The following CHD8 variants were observed in gnomAD, a reference collection of about 807,000 sequenced individuals.
The protein encoded by CHD8 is ATP-dependent chromatin remodeler CHD8.
A neutral mutation model predicts 279.2 loss-of-function variants in CHD8; 31 were observed. The observed-to-expected ratio is 0.11, with a 90% confidence interval of 0.08 to 0.15. CHD8 has a LOEUF of 0.15. Among genes scored for constraint, CHD8 ranks in the 10% least tolerant of loss-of-function variants. The pLI, the probability that CHD8 is intolerant of heterozygous loss-of-function variation, is 1.00. For missense variants in CHD8, 2,146 were observed against 3,230.5 expected (o/e 0.66, Z 8.14); for synonymous variants, 1,081 against 1,139.6 (o/e 0.95, Z 1.04).
rs1001443242 is a variant in CHD8, at chr14:21,403,935, C to T, written c.3308-272G>A. Reference sequence around the variant, plus strand: ...CCAACATGGTGAAACCCCGTCTCTACTAACAATACAAAAATTAGCCAGGTG... The same window carrying T: ...CCAACATGGTGAAACCCCGTCTCTATTAACAATACAAAAATTAGCCAGGTG... On this transcript the variant is annotated intron_variant, in intron 16 of 37. Transcript: ENST00000646647. The surrounding 1 kb of genome is among the most constrained non-coding windows in gnomAD (Gnocchi z 4.3). Among the ~76,000 whole-genome samples the T allele has an allele frequency of 6.6e-6, 1 of 152,036 alleles. No homozygotes were observed. The highest frequency in any genetic ancestry group is 2.4e-5 in the African/African-American group (1 of 41,392).
chr14:21,432,596 A>G (rs1031457237), intron 1 of CHD8, among the ~76,000 whole-genome samples: 3 of 152,176 alleles, frequency 2.0e-5, no homozygotes, highest in Non-Finnish European at 4.4e-5. Context: ...AGACTACACA[A>G]TTCCCTTAAT....
chr14:21,405,677 C>G lies in CHD8; in HGVS notation c.3051+44G>C. 1 of 1,604,098 alleles carries G rather than the reference C, an allele frequency of 6.2e-7. No individual in the cohort carries two copies. The highest frequency in any genetic ancestry group is 1.7e-5 in the Admixed American group (1 of 58,668). ...AGATGTCTGCCTTGTACAAACTTCA[C>G]CTTCTTTGTCCTGAGTTAGTACCTC... On this transcript the variant is annotated intron_variant, in intron 15 of 37. Coordinates refer to ENST00000646647, the MANE Select transcript of CHD8 (RefSeq NM_001170629.2). This position sits in a 1 kb window ranked among gnomAD's most constrained non-coding sequence, Gnocchi z 4.2.
rs770603256 is a variant in CHD8, at chr14:21,400,388, CAT to C, written c.4570+23_4570+24del. 27 of 1,597,622 alleles carry C rather than the reference CAT, an allele frequency of 1.7e-5. No individual in the cohort carries two copies. Among genetic ancestry groups the C allele is most frequent in the Non-Finnish European group, 2.3e-5 (27 of 1,174,866 alleles). On this transcript the variant is annotated intron_variant, in intron 23 of 37. Transcript: ENST00000646647. This position sits in a 1 kb window ranked among gnomAD's most constrained non-coding sequence, Gnocchi z 4.2. ...AGGATTAGATTAACCTATAGAAAAACATAAAGTAAAGAGTTGATAATTACCTG... is the reference window on the plus strand; with the variant it reads ...AGGATTAGATTAACCTATAGAAAAACAAAGTAAAGAGTTGATAATTACCTG...
At chr14:21,404,275 T>G (rs1275693492) in intron 16 of CHD8, among the ~76,000 whole-genome samples, 1 of 151,242 alleles carries the variant, frequency 6.6e-6, no homozygotes, top group Non-Finnish European at 1.5e-5. Flanking sequence ...AGCAGGCGCC[T>G]GTAATCCCAG....
intron 5 of CHD8, among the ~76,000 whole-genome samples, chr14:21,422,617 G>C (rs1404191451): frequency 6.6e-6 from 1 of 152,116 alleles, no homozygotes; most frequent in Non-Finnish European, 1.5e-5. Context: ...CCGGGACTGG[G>C]TAATTTATTT....
intron 20 of CHD8, 74 bp downstream of exon 20, chr14:21,401,883 G>T: frequency 1.4e-6 from 2 of 1,384,060 alleles, no homozygotes; most frequent in Non-Finnish European, 1.0e-6. Flanking sequence ...ACCATCCCCA[G>T]CATAAAAACA....
chr14:21,417,866 AT>A (rs1460884666), intron 5 of CHD8, among the ~76,000 whole-genome samples: 3,749 of 120,048 alleles, frequency 0.031, 109 homozygotes, highest in African/African-American at 0.096. Context: ...AAAAAAAAAA[AT>A]ATATATATAT....
rs1270063965 is a variant in CHD8 at position 21,401,485 on chromosome 14, G to C, written c.4091C>G (p.Thr1364Arg). 1 of 1,594,752 alleles carries C rather than the reference G, an allele frequency of 6.3e-7. No individual in the cohort carries two copies. Among genetic ancestry groups the C allele is most frequent in the South Asian group, 1.1e-5 (1 of 87,734 alleles). ...KASFVASENR[T>R]DISLDDPNFW... ...GTTGGGGTCATCCAAAGAAATATCT[G>C]TCCTGTTTTCAGAAGCAACAAAGCT... The change falls in exon 21 of 38, where the codon ACA becomes AGA. Residue 1364 changes from threonine to arginine, a missense_variant. Physicochemically the swap from Thr to Arg is moderately conservative, Grantham distance 71. Around this residue, in one of 26 missense-constraint regions of CHD8, gnomAD observed 14 missense variants for 40.7 expected, o/e 0.34. Transcript: ENST00000646647.
chr14:21,403,826 C>T lies in CHD8; in HGVS notation c.3308-163G>A, dbSNP rs116235357. Among the ~76,000 whole-genome samples, 65 of 152,300 alleles carry T rather than the reference C, an allele frequency of 4.3e-4. 1 individual carries two copies. The highest frequency in any genetic ancestry group is 1.4e-3 in the East Asian group (7 of 5,184). ...AAAAAAGTCTTAAATCGGCTGGGTA[C>T]GGTGGCTCATGCCTGTAATCCCAAC... is the stretch of plus-strand genomic sequence containing the variant. On this transcript the variant is annotated intron_variant, in intron 16 of 37. Coordinates refer to ENST00000646647, the MANE Select transcript of CHD8 (RefSeq NM_001170629.2). This position sits in a 1 kb window ranked among gnomAD's most constrained non-coding sequence, Gnocchi z 4.3.
At position 21,405,898 on chromosome 14, in the gene CHD8, A is replaced by G; in HGVS notation, c.2908-34T>C. The G allele has an allele frequency of 1.3e-6, 2 of 1,584,828 alleles. No homozygotes were observed. The highest frequency in any genetic ancestry group is 1.7e-6 in the Non-Finnish European group (2 of 1,165,114). On this transcript the variant is annotated intron_variant, in intron 14 of 37. Transcript: ENST00000646647. The surrounding 1 kb of genome is among the most constrained non-coding windows in gnomAD (Gnocchi z 4.2). ...GGAGGAAACAAAAGAATAAAATTTA[A>G]AAACATGAAGGACTTCTGGGGTTTC...
Position 21,394,083 on chromosome 14 carries a change from G to A in CHD8, c.5712C>T (p.Pro1904=). The A allele has an allele frequency of 1.2e-6, 2 of 1,613,910 alleles. No individual in the cohort carries two copies. Among genetic ancestry groups the A allele is most frequent in the African/African-American group, 1.3e-5 (1 of 75,032 alleles). Reference sequence around the variant, plus strand: ...ACAATGCCAGCCGATCTTCCAAAAGGGGGTGGCATAAAACTTGTTCCCGTA... The same window carrying A: ...ACAATGCCAGCCGATCTTCCAAAAGAGGGTGGCATAAAACTTGTTCCCGTA... ...RRLREQVLCH[P]LLEDRLALCQ... Residue 1904 remains proline, a synonymous_variant, in exon 32 of 38, where the codon CCC becomes CCT. Coordinates refer to ENST00000646647, the MANE Select transcript of CHD8 (RefSeq NM_001170629.2).
rs1195598239 is a variant in CHD8, at chr14:21,385,447, C to A, written c.*166G>T. 8.7e-7 allele frequency: 1 copy of A among 1,153,600 alleles called. No homozygotes were observed. The allele number at this position is 1,153,600 out of a possible 1,614,324, so 71.5% of individuals were successfully genotyped here. ...AGTTCCCCTGCCCACCCAATCCTCT[C>A]ATAATTGGGAGCAATCAGGTACATT... On this transcript the variant is annotated 3_prime_UTR_variant, in exon 38 of 38. Transcript: ENST00000646647.
Position 21,402,434 on chromosome 14 carries a change from A to C in CHD8, c.3784T>G (p.Ser1262Ala). The C allele has an allele frequency of 6.2e-7, 1 of 1,613,982 alleles. No homozygotes were observed. Among genetic ancestry groups the C allele is most frequent in the South Asian group, 1.1e-5 (1 of 91,074 alleles). ...TTATCAAACATCTCTCTCTCGTAGG[A>C]ATTACGAGTGATGAGGCGGTACACC... Reference protein sequence around the residue: ...VKVYRLITRNSYEREMFDKAS... With the variant: ...VKVYRLITRNAYEREMFDKAS... The change falls in exon 19 of 38, where the codon TCC becomes GCC. Residue 1262 changes from serine (S) to alanine (A), a missense_variant. Physicochemically the swap from Ser to Ala is moderately conservative, Grantham distance 99. This residue lies in a region of CHD8 where 35 missense variants were observed against 82.4 expected (regional missense o/e 0.42). Transcript: ENST00000646647. The surrounding 1 kb of genome is among the most constrained non-coding windows in gnomAD (Gnocchi z 4.5).
Position 21,392,282 on chromosome 14 carries a change from A to T in CHD8, c.6771+225T>A, listed in dbSNP as rs766216751. On this transcript the variant is annotated intron_variant, in intron 34 of 37. Coordinates refer to ENST00000646647, the MANE Select transcript of CHD8 (RefSeq NM_001170629.2). ...AATCCTGCTATTCCTAAGCATACTA[A>T]TTTAAGAAACTTTTGTTGAATATTA... The T allele has an allele frequency of 6.6e-6, 5 of 758,922 alleles. No homozygotes were observed. In the South Asian group the frequency reaches 7.2e-5, roughly 11 times the overall value. The allele number at this position is 758,922 out of a possible 1,614,324, so 47.0% of individuals were successfully genotyped here. A position where few individuals can be genotyped will look rare whatever the true frequency, so the allele number is the denominator to read the frequency against.
chr14:21,428,279 T>TA, intron 3 of CHD8, 25 bp from the exon 4 acceptor site: 1 of 1,602,576 alleles, frequency 6.2e-7, no homozygotes, highest in Non-Finnish European at 8.5e-7. Flanking sequence ...ATACTACAAT[T>TA]TCAACTTGCT....
In CHD8 at chr14:21,450,574, G is replaced by C. The variant is rs551660461; in HGVS notation, c.-216+5458C>G. Among the ~76,000 whole-genome samples the C allele has an allele frequency of 2.6e-5, 4 of 151,712 alleles. No individual in the cohort carries two copies. The East Asian group carries it at 5.8e-4, about 22-fold the overall frequency. ...GAGGCTGAGATGGGAGGACTACTTG[G>C]GCCAAAAAGTTTGAGGTTGCAGTGA... On this transcript the variant is annotated intron_variant, in intron 1 of 37. Transcript: ENST00000646647.
intron 1 of CHD8, among the ~76,000 whole-genome samples, chr14:21,451,808 A>G (rs73579699): frequency 0.022 from 3,409 of 152,222 alleles, 134 homozygotes; most frequent in African/African-American, 0.077. Context: ...CTATATAATT[A>G]ATAATAAAAG....
chr14:21,392,795 T>C lies in CHD8; in HGVS notation c.6483A>G (p.Ile2161Met). The C allele has an allele frequency of 3.1e-6, 5 of 1,613,906 alleles. No individual in the cohort carries two copies. In the African/African-American group the frequency reaches 5.3e-5, roughly 17 times the overall value. Residue 2161 changes from isoleucine (I) to methionine (M), a missense_variant, in exon 34 of 38, where the codon ATA becomes ATG. Ile to Met is a conservative substitution (Grantham distance 10, BLOSUM62 1). Around this residue, in one of 26 missense-constraint regions of CHD8, gnomAD observed 513 missense variants for 637.6 expected, o/e 0.80. Coordinates refer to ENST00000646647, the MANE Select transcript of CHD8 (RefSeq NM_001170629.2). Reference sequence around the variant, plus strand: ...CCTGGCAGACGAGGTCAATACGGTTTATCAGGACACGATCCTGAATGGGGA... The same window carrying C: ...CCTGGCAGACGAGGTCAATACGGTTCATCAGGACACGATCCTGAATGGGGA... ...ASEWPKDRVL[I>M]NRIDLVCQAV...
chr14:21,447,374 T>C (rs937349891), intron 1 of CHD8, among the ~76,000 whole-genome samples: 3 of 128,962 alleles, frequency 2.3e-5, no homozygotes, highest in Admixed American at 7.7e-5. Flanking sequence ...ACTATATCCC[T>C]TTTTTTTTTT....
Sources: gnomAD v4.1 joint callset for allele counts (sites outside exome capture counted in the v4.1 genomes callset) on GRCh38, gnomAD v4.1.1 for gene constraint, gnomAD v4.1.1 regional missense constraint, Gnocchi (gnomAD v3.1) non-coding constraint, MANE v1.5 for transcripts, NCBI Gene and HGNC (gene_info 2026-07-23, HGNC 2026-07-21) for gene names.